Variants in PPIL6 observed in about 807,000 individuals in gnomAD.
The protein encoded by PPIL6 is probable inactive peptidyl-prolyl cis-trans isomerase-like 6.
In PPIL6, 39 loss-of-function variants were observed where a neutral mutation model predicts 36.8. That is an observed-to-expected ratio of 1.06 (90% CI 0.82 to 1.38). PPIL6 has a LOEUF of 1.38. PPIL6 is among the 40% of genes most tolerant of loss of function. The pLI, the probability that PPIL6 is intolerant of heterozygous loss-of-function variation, is 0.00. For synonymous variants in PPIL6, 123 were observed against 134.1 expected (o/e 0.92, Z 0.57); for missense variants, 368 against 379.1 (o/e 0.97, Z 0.24).
chr6:109,414,999 C>T lies in PPIL6; in HGVS notation c.688+4188G>A, dbSNP rs539973021. Reference sequence around the variant, plus strand: ...TCATAAGGAAGAGAAAATATATCTACTATTCATTAAGTGGAAGTGGATCAT... The same window carrying T: ...TCATAAGGAAGAGAAAATATATCTATTATTCATTAAGTGGAAGTGGATCAT... On this transcript the variant is annotated intron_variant, in intron 6 of 7. Coordinates refer to ENST00000521072, the MANE Select transcript of PPIL6 (RefSeq NM_173672.5). Among the ~76,000 whole-genome samples the T allele has an allele frequency of 3.0e-3, 452 of 152,152 alleles. 2 individuals carry two copies. Among genetic ancestry groups the T allele is most frequent in the Non-Finnish European group, 3.6e-3 (246 of 67,994 alleles).
intron 2 of PPIL6, among the ~76,000 whole-genome samples, chr6:109,434,291 C>T (rs1013434956): frequency 2.0e-5 from 3 of 152,078 alleles, no homozygotes; most frequent in Non-Finnish European, 4.4e-5. Context: ...CACAGTGGCT[C>T]ACACCTGTAA....
chr6:109,433,503 C>T (rs537749431), intron 2 of PPIL6, among the ~76,000 whole-genome samples: 36 of 152,284 alleles, frequency 2.4e-4, no homozygotes, highest in African/African-American at 8.2e-4. Context: ...CTTAGGGAGG[C>T]GTGCTCGCCT....
intron 7 of PPIL6, among the ~76,000 whole-genome samples, chr6:109,395,219 C>T (rs1772245851): frequency 6.6e-6 from 1 of 152,048 alleles, no homozygotes; most frequent in African/African-American, 2.4e-5. Flanking sequence ...CTAGCTTGGC[C>T]AACATGGGGA....
At position 109,410,088 on chromosome 6, in the gene PPIL6, A is replaced by C. The variant is rs114687325; in HGVS notation, c.688+9099T>G. On this transcript the variant is annotated intron_variant, in intron 6 of 7. Coordinates refer to ENST00000521072, the MANE Select transcript of PPIL6 (RefSeq NM_173672.5). The stretch of plus-strand genomic sequence containing the variant: ...TTACCACCTGATGCAAGCCCCTCCC[A>C]CTGAGGCAGCCTCGCTGAGCCCATC... Among the ~76,000 whole-genome samples the C allele has an allele frequency of 2.6e-3, 403 of 152,214 alleles. 2 individuals carry two copies. The highest frequency in any genetic ancestry group is 9.3e-3 in the African/African-American group (388 of 41,534).
chr6:109,422,992 G>A lies in PPIL6; in HGVS notation c.632-3749C>T, dbSNP rs55746331. 8.7e-4 allele frequency among the ~76,000 whole-genome samples: 132 copies of A among 152,278 alleles called. 1 individual carries two copies. In the Middle Eastern group the frequency reaches 0.01, roughly 12 times the overall value. On this transcript the variant is annotated intron_variant, in intron 5 of 7. Coordinates refer to ENST00000521072, the MANE Select transcript of PPIL6 (RefSeq NM_173672.5). ...CCATAGCAGCGCTCATTCTTAAAGA[G>A]TCTCTCTGGACTATGGATTTCCACT...
intron 5 of PPIL6, among the ~76,000 whole-genome samples, chr6:109,422,114 G>A (rs1014189192): frequency 6.6e-6 from 1 of 152,152 alleles, no homozygotes; most frequent in Non-Finnish European, 1.5e-5. Context: ...CTGACCTCGT[G>A]ATCCACCCGC....
At chr6:109,423,056 G>A (rs751703489) in intron 5 of PPIL6, among the ~76,000 whole-genome samples, 6 of 152,098 alleles carry the variant, frequency 3.9e-5, no homozygotes, top group Non-Finnish European at 5.9e-5. Context: ...AATTTGGTAT[G>A]TTCTCTTTAA....
At chr6:109,401,026 ATTTTTTTTT>A (rs749611966) in intron 6 of PPIL6, among the ~76,000 whole-genome samples, 2 of 114,950 alleles carry the variant, frequency 1.7e-5, no homozygotes, top group Non-Finnish European at 3.4e-5. Flanking sequence ...TGCCCGGCTA[ATTTTTTTTT>A]TTTTTTTTTT....
At chr6:109,403,842 T>C (rs1205583494) in intron 6 of PPIL6, among the ~76,000 whole-genome samples, 1 of 152,174 alleles carries the variant, frequency 6.6e-6, no homozygotes, top group Non-Finnish European at 1.5e-5. Flanking sequence ...TAATTCTGCA[T>C]CTCATGGAAG....
chr6:109,406,589 A>C (rs906387166), intron 6 of PPIL6, among the ~76,000 whole-genome samples: 1 of 152,122 alleles, frequency 6.6e-6, no homozygotes, highest in African/African-American at 2.4e-5. Flanking sequence ...TGACATTCCA[A>C]TTCTATTATT....
chr6:109,434,226 G>A lies in PPIL6; in HGVS notation c.231+1878C>T, dbSNP rs546863331. 3.3e-5 allele frequency among the ~76,000 whole-genome samples: 5 copies of A among 152,252 alleles called. No homozygotes were observed. In the South Asian group the frequency reaches 1.0e-3, roughly 32 times the overall value. On this transcript the variant is annotated intron_variant, in intron 2 of 7. Coordinates refer to ENST00000521072, the MANE Select transcript of PPIL6 (RefSeq NM_173672.5). ...AACCCCTCAGTCCCAGGCAAACCAG[G>A]ACCGTTTGTCACCCGAGTTGTTGGA... is the stretch of plus-strand genomic sequence containing the variant.
chr6:109,427,540 C>A (rs1449010588), intron 3 of PPIL6, among the ~76,000 whole-genome samples: 1 of 152,062 alleles, frequency 6.6e-6, no homozygotes, highest in Non-Finnish European at 1.5e-5. Flanking sequence ...TGCACCACCA[C>A]CAGGCCCAGC....
chr6:109,401,026 A>ATTTTTTTT (rs749611966), intron 6 of PPIL6, among the ~76,000 whole-genome samples: 276 of 114,910 alleles, frequency 2.4e-3, no homozygotes, highest in Middle Eastern at 5.0e-3. Flanking sequence ...TGCCCGGCTA[A>ATTTTTTTT]TTTTTTTTTT....
Position 109,438,423 on chromosome 6 carries a change from GA to G in PPIL6, c.135+2032del, listed in dbSNP as rs1228166703. On this transcript the variant is annotated intron_variant, in intron 1 of 7. Transcript: ENST00000521072. ...GAGACCCCCATCTCTTCCAAAAAAAGAAAAAAAAAACTAGCTGAATTTTCAT... is the reference window on the plus strand; with the variant it reads ...GAGACCCCCATCTCTTCCAAAAAAAGAAAAAAAAACTAGCTGAATTTTCAT... Among the ~76,000 whole-genome samples the G allele has an allele frequency of 6.3e-5, 9 of 142,676 alleles. No homozygotes were observed. The South Asian group carries it at 9.0e-4, about 14-fold the overall frequency. 93.6% of individuals were successfully genotyped at this position (142,676 alleles called of 152,430 possible).
intron 7 of PPIL6, among the ~76,000 whole-genome samples, chr6:109,399,730 T>C (rs1323331468): frequency 6.6e-6 from 1 of 152,066 alleles, no homozygotes; most frequent in African/African-American, 2.4e-5. Flanking sequence ...TTTGTAGAGA[T>C]GGGGTCTCGC....
intron 6 of PPIL6, among the ~76,000 whole-genome samples, chr6:109,417,599 T>C (rs778405124): frequency 2.0e-5 from 3 of 152,182 alleles, no homozygotes; most frequent in Non-Finnish European, 4.4e-5. Flanking sequence ...ATTAGTGTAA[T>C]AGTGGTCAGA....
chr6:109,422,233 C>T (rs748583286), intron 5 of PPIL6, among the ~76,000 whole-genome samples: 1 of 152,058 alleles, frequency 6.6e-6, no homozygotes, highest in South Asian at 2.1e-4. Flanking sequence ...ATCCCTGCTA[C>T]TTGGGAGGCT....
At chr6:109,419,392 G>A (rs1236072914) in intron 5 of PPIL6, 149 bp from the exon 6 acceptor site, 2 of 573,868 alleles carry the variant, frequency 3.5e-6, no homozygotes, top group Admixed American at 6.4e-5. Context: ...ACCAGCCTGG[G>A]CAACATAATG....
At chr6:109,397,960 C>T (rs750948721) in intron 7 of PPIL6, among the ~76,000 whole-genome samples, 11 of 150,992 alleles carry the variant, frequency 7.3e-5, no homozygotes, top group South Asian at 6.2e-4. Flanking sequence ...GGTGCGATCT[C>T]GGCTCACTGC....
Sources: gnomAD v4.1 joint callset for allele counts (sites outside exome capture counted in the v4.1 genomes callset) on GRCh38, gnomAD v4.1.1 for gene constraint, MANE v1.5 for transcripts, NCBI Gene and HGNC (gene_info 2026-07-23, HGNC 2026-07-21) for gene names.